OR10V1: variants seen among roughly 807,000 people sequenced by gnomAD.
OR10V1 encodes the protein olfactory receptor 10V1.
For missense variants in OR10V1, 391 were observed against 378.8 expected (o/e 1.03, Z -0.27); for synonymous variants, 139 against 148.2 (o/e 0.94, Z 0.45).
In OR10V1 at chr11:59,713,753, G is replaced by A; in HGVS notation, c.93C>T (p.Phe31=). The A allele has an allele frequency of 1.9e-6, 3 of 1,614,106 alleles. No individual in the cohort carries two copies. Among genetic ancestry groups the A allele is most frequent in the Non-Finnish European group, 2.5e-6 (3 of 1,179,998 alleles). Residue 31 remains phenylalanine (F), a synonymous_variant, in exon 1 of 1, where the codon TTC becomes TTT. Transcript: ENST00000307552. ...CGAGGCTGGTCAGATACATCATCAG[G>A]AAGACCACAAAAATCAGCATCTGGA... is the stretch of plus-strand genomic sequence containing the variant. ...PEVQMLIFVV[F]LMMYLTSLGG...
rs1013446187 is a variant in OR10V1 at position 59,713,675 on chromosome 11, G to T, written c.171C>A (p.Thr57=). The part of the protein sequence containing the change: ...VIVQINHSLH[T]PMYFFLANLA... ...GATTAGCCAGGAAAAAGTACATGGG[G>T]GTGTGGAGGGAATGATTGATCTGAA... is the stretch of plus-strand genomic sequence containing the variant. Residue 57 remains threonine, a synonymous_variant, in exon 1 of 1, where the codon ACC becomes ACA. Coordinates refer to ENST00000307552, the MANE Select transcript of OR10V1 (RefSeq NM_001005324.1). 3.1e-6 allele frequency: 5 copies of T among 1,614,088 alleles called. No individual in the cohort carries two copies. Among genetic ancestry groups the T allele is most frequent in the South Asian group, 1.1e-5 (1 of 91,076 alleles).
chr11:59,713,382 A>C lies in OR10V1; in HGVS notation c.464T>G (p.Leu155Arg). 1.2e-6 allele frequency: 2 copies of C among 1,613,916 alleles called. No homozygotes were observed. Among genetic ancestry groups the C allele is most frequent in the African/African-American group, 2.7e-5 (2 of 75,048 alleles). The change falls in exon 1 of 1, where the codon CTG (leucine) becomes CGG (arginine). Residue 155 changes from leucine to arginine, a missense_variant. Coordinates refer to ENST00000307552, the MANE Select transcript of OR10V1 (RefSeq NM_001005324.1). The stretch of plus-strand genomic sequence containing the variant: ...TAAAATGGTGAGTGGCAGTGACAAC[A>C]GGAACCCCAGCACCAAGGAGCCTAC... The part of the protein sequence containing the change: ...LLVGSLVLGF[L>R]LSLPLTILIF...
At position 59,713,089 on chromosome 11, in the gene OR10V1, A is replaced by G. The variant is rs1862193833; in HGVS notation, c.757T>C (p.Tyr253His). 6.2e-7 allele frequency: 1 copy of G among 1,614,156 alleles called. No individual in the cohort carries two copies. The highest frequency in any genetic ancestry group is 8.5e-7 in the Non-Finnish European group (1 of 1,180,016). ...SSHILVVLLQ[Y>H]GCTSFIYLSP... ...AAGTATATAAAGCTGGTGCAGCCAT[A>G]CTGCAGGAGGACCACTAAGATGTGA... The change falls in exon 1 of 1, where the codon TAT (tyrosine) becomes CAT (histidine). Residue 253 changes from tyrosine (Y) to histidine (H), a missense_variant. Transcript: ENST00000307552.
chr11:59,713,710 C>A lies in OR10V1; in HGVS notation c.136G>T (p.Ala46Ser). 6.2e-7 allele frequency: 1 copy of A among 1,614,026 alleles called. No individual in the cohort carries two copies. ...LTSLGGNATI[A>S]VIVQINHSLH... ...GAATGATTGATCTGAACAATGACTG[C>A]AATTGTAGCATTTCCACCGAGGCTG... Residue 46 changes from alanine (A) to serine (S), a missense_variant, in exon 1 of 1, where the codon GCA (alanine) becomes TCA (serine). Transcript: ENST00000307552.
rs1862208810 is a variant in OR10V1, at chr11:59,713,808, A to T, written c.38T>A (p.Phe13Tyr). 1.2e-6 allele frequency: 2 copies of T among 1,613,372 alleles called. No individual in the cohort carries two copies. The highest frequency in any genetic ancestry group is 1.7e-6 in the Non-Finnish European group (2 of 1,179,778). The change falls in exon 1 of 1, where the codon TTC (phenylalanine) becomes TAC (tyrosine). Residue 13 changes from phenylalanine (F) to tyrosine (Y), a missense_variant. Phe to Tyr is a conservative substitution (Grantham distance 22). Transcript: ENST00000307552. ...GINKTAKMQF[F>Y]FRPFSPDPEV... is the part of the protein sequence containing the mutation. ...AGGGTCAGGTGAGAATGGACGAAAG[A>T]AAAACTGCATCTTTGCAGTTTTATT...
Position 59,713,512 on chromosome 11 carries a change from C to T in OR10V1, c.334G>A (p.Asp112Asn). The T allele has an allele frequency of 6.2e-7, 1 of 1,614,058 alleles. No homozygotes were observed. Among genetic ancestry groups the T allele is most frequent in the Non-Finnish European group, 8.5e-7 (1 of 1,179,972 alleles). ...GCCATGACTACCAGCAGGACACAAT[C>T]AGCCCCACCCAAGAAGACAAAGAAA... ...MFFFVFLGGA[D>N]CVLLVVMAYD... Residue 112 changes from aspartate to asparagine, a missense_variant, in exon 1 of 1, where the codon GAT (aspartate) becomes AAT (asparagine). Coordinates refer to ENST00000307552, the MANE Select transcript of OR10V1 (RefSeq NM_001005324.1).
Position 59,713,579 on chromosome 11 carries a change from G to T in OR10V1, c.267C>A (p.Gly89=). ...ATCCCGTGATGGAAACAGGAGTTTT[G>T]CCCATTGAAAGGAGGTTTGCCAAGG... The part of the protein sequence containing the change: ...PLALANLLSM[G]KTPVSITGCG... The change falls in exon 1 of 1, where the codon GGC becomes GGA. Residue 89 remains glycine, a synonymous_variant. Coordinates refer to ENST00000307552, the MANE Select transcript of OR10V1 (RefSeq NM_001005324.1). 6.2e-7 allele frequency: 1 copy of T among 1,614,170 alleles called. No individual in the cohort carries two copies. Among genetic ancestry groups the T allele is most frequent in the Non-Finnish European group, 8.5e-7 (1 of 1,180,038 alleles).
In OR10V1 at chr11:59,713,228, G is replaced by T. The variant is rs193071124; in HGVS notation, c.618C>A (p.Ile206=). 6.2e-7 allele frequency: 1 copy of T among 1,614,040 alleles called. No individual in the cohort carries two copies. The highest frequency in any genetic ancestry group is 8.5e-7 in the Non-Finnish European group (1 of 1,180,034). ...HKTALYIISF[I]VLSIPLSLIS... is the part of the protein sequence containing the mutation. The stretch of plus-strand genomic sequence containing the variant: ...TCAATGAGAGGGGGATGCTAAGGAC[G>T]ATGAAGCTGATGATATACAGAGCAG... The change falls in exon 1 of 1, where the codon ATC becomes ATA. Residue 206 remains isoleucine (I), a synonymous_variant. Transcript: ENST00000307552.
At position 59,712,974 on chromosome 11, in the gene OR10V1, T is replaced by C. The variant is rs144351656; in HGVS notation, c.872A>G (p.Tyr291Cys). ...TTTCAGTTCCTTGTTCCTCAAACTA[T>C]AGATCAAGGGGTTTAAAATGGGAGT... ...FITPILNPLI[Y>C]SLRNKELKDA... The change falls in exon 1 of 1, where the codon TAT becomes TGT. Residue 291 changes from tyrosine (Y) to cysteine (C), a missense_variant. Transcript: ENST00000307552. 3 of 1,614,046 alleles carry C rather than the reference T, an allele frequency of 1.9e-6. No homozygotes were observed. Among genetic ancestry groups the C allele is most frequent in the Non-Finnish European group, 2.5e-6 (3 of 1,179,922 alleles).
rs753038529 is a variant in OR10V1 at position 59,713,812 on chromosome 11, A to C, written c.34T>G (p.Phe12Val). The change falls in exon 1 of 1, where the codon TTT becomes GTT. Residue 12 changes from phenylalanine to valine, a missense_variant. Transcript: ENST00000307552. ...EGINKTAKMQ[F>V]FFRPFSPDPE... The stretch of plus-strand genomic sequence containing the variant: ...TCAGGTGAGAATGGACGAAAGAAAA[A>C]CTGCATCTTTGCAGTTTTATTTATT... 10 of 1,612,984 alleles carry C rather than the reference A, an allele frequency of 6.2e-6. No individual in the cohort carries two copies. Among genetic ancestry groups the C allele is most frequent in the Admixed American group, 1.7e-5 (1 of 59,816 alleles).
Position 59,713,475 on chromosome 11 carries a change from A to T in OR10V1, c.371T>A (p.Phe124Tyr), listed in dbSNP as rs150161327. 8.3e-3 allele frequency: 13,425 copies of T among 1,613,678 alleles called. 83 individuals are homozygous for T. The highest frequency in any genetic ancestry group is 0.02 in the Middle Eastern group (122 of 6,058). ...TCGCAGAGGGTGACAGATCGCTATA[A>T]ACTGGTCATAAGCCATGACTACCAG... ...VLLVVMAYDQ[F>Y]IAICHPLRYR... The change falls in exon 1 of 1, where the codon TTT (phenylalanine) becomes TAT (tyrosine). Residue 124 changes from phenylalanine (F) to tyrosine (Y), a missense_variant. Phe to Tyr is a conservative substitution (Grantham distance 22). Coordinates refer to ENST00000307552, the MANE Select transcript of OR10V1 (RefSeq NM_001005324.1).
In OR10V1 at chr11:59,713,010, T is replaced by G. The variant is rs767933251; in HGVS notation, c.836A>C (p.Tyr279Ser). 8.7e-6 allele frequency: 14 copies of G among 1,614,048 alleles called. No individual in the cohort carries two copies. The highest frequency in any genetic ancestry group is 1.2e-5 in the Non-Finnish European group (14 of 1,179,918). The change falls in exon 1 of 1, where the codon TAC becomes TCC. Residue 279 changes from tyrosine (Y) to serine (S), a missense_variant. By Grantham distance (144) the Tyr-to-Ser change is moderately radical. Transcript: ENST00000307552. ...GTTTAAAATGGGAGTGATAAATGTG[T>G]AGGCCACAGATACCACCCGGCCCAT... ...PEMGRVVSVAYTFITPILNPL... is the reference protein window; with the variant it reads ...PEMGRVVSVASTFITPILNPL...
chr11:59,713,078 G>A lies in OR10V1; in HGVS notation c.768C>T (p.Thr256=), dbSNP rs764589346. ...ILVVLLQYGC[T]SFIYLSPSSS... ...AACTGGGGGACAAGTATATAAAGCT[G>A]GTGCAGCCATACTGCAGGAGGACCA... The change falls in exon 1 of 1, where the codon ACC becomes ACT. Residue 256 remains threonine, a synonymous_variant. Transcript: ENST00000307552. 1 of 1,614,108 alleles carries A rather than the reference G, an allele frequency of 6.2e-7. No homozygotes were observed. The highest frequency in any genetic ancestry group is 8.5e-7 in the Non-Finnish European group (1 of 1,180,014).
In OR10V1 at chr11:59,713,626, T is replaced by A; in HGVS notation, c.220A>T (p.Thr74Ser). Residue 74 changes from threonine (T) to serine (S), a missense_variant, in exon 1 of 1, where the codon ACA becomes TCA. By Grantham distance (58) the Thr-to-Ser change is moderately conservative (BLOSUM62 1). Transcript: ENST00000307552. ...AAGGCCAATGGGGTGATGGAAGATG[T>A]ATAGAAGATTTCTAGAACTGCCAGA... The part of the protein sequence containing the change: ...ANLAVLEIFY[T>S]SSITPLALAN... 6.2e-7 allele frequency: 1 copy of A among 1,614,060 alleles called. No homozygotes were observed. The highest frequency in any genetic ancestry group is 8.5e-7 in the Non-Finnish European group (1 of 1,180,000).
Position 59,713,208 on chromosome 11 carries a change from G to C in OR10V1, c.638C>G (p.Ser213Ter). The change falls in exon 1 of 1, where the codon TCA becomes TGA. Residue 213 changes from serine (S) to a stop codon, truncating the protein, a stop_gained. Coordinates refer to ENST00000307552, the MANE Select transcript of OR10V1 (RefSeq NM_001005324.1). LOFTEE classifies it low-confidence loss of function (END_TRUNC). The part of the protein sequence containing the change: ...ISFIVLSIPL[S>*]LISISYVFIV... ...GAAGACATAGGAGATGGAGATCAATGAGAGGGGGATGCTAAGGACGATGAA... is the reference window on the plus strand; with the variant it reads ...GAAGACATAGGAGATGGAGATCAATCAGAGGGGGATGCTAAGGACGATGAA... 1 of 1,614,174 alleles carries C rather than the reference G, an allele frequency of 6.2e-7. No homozygotes were observed. Among genetic ancestry groups the C allele is most frequent in the South Asian group, 1.1e-5 (1 of 91,082 alleles).
rs767843015 is a variant in OR10V1, at chr11:59,713,803, G to A, written c.43C>T (p.Arg15Cys). Residue 15 changes from arginine to cysteine, a missense_variant, in exon 1 of 1, where the codon CGT (arginine) becomes TGT (cysteine). Physicochemically the swap from Arg to Cys is radical, Grantham distance 180 (BLOSUM62 -3). Coordinates refer to ENST00000307552, the MANE Select transcript of OR10V1 (RefSeq NM_001005324.1). ...NKTAKMQFFF[R>C]PFSPDPEVQM... is the part of the protein sequence containing the mutation. ...ACCTCAGGGTCAGGTGAGAATGGAC[G>A]AAAGAAAAACTGCATCTTTGCAGTT... is the stretch of plus-strand genomic sequence containing the variant. The A allele has an allele frequency of 8.7e-6, 14 of 1,613,078 alleles. No homozygotes were observed. The highest frequency in any genetic ancestry group is 5.0e-5 in the Admixed American group (3 of 59,770).
rs141649641 is a variant in OR10V1, at chr11:59,713,286, C to A, written c.560G>T (p.Arg187Leu). 6.2e-7 allele frequency: 1 copy of A among 1,613,964 alleles called. No individual in the cohort carries two copies. ...AACGCGTGTGTCTGCACAAGCCAGG[C>A]GCATGACTGCAGGCATGTCACAGTA... is the stretch of plus-strand genomic sequence containing the variant. ...HFYCDMPAVM[R>L]LACADTRVHK... The change falls in exon 1 of 1, where the codon CGC (arginine) becomes CTC (leucine). Residue 187 changes from arginine to leucine, a missense_variant. By Grantham distance (102) the Arg-to-Leu change is moderately radical. Transcript: ENST00000307552.
rs758746066 is a variant in OR10V1, at chr11:59,713,591, G to A, written c.255C>T (p.Leu85=). 5.2e-5 allele frequency: 84 copies of A among 1,614,060 alleles called. 1 individual carries two copies. The highest frequency in any genetic ancestry group is 9.3e-6 in the Non-Finnish European group (11 of 1,180,048). ...AAACAGGAGTTTTGCCCATTGAAAG[G>A]AGGTTTGCCAAGGCCAATGGGGTGA... The part of the protein sequence containing the change: ...SSITPLALAN[L]LSMGKTPVSI... The change falls in exon 1 of 1, where the codon CTC becomes CTT. Residue 85 remains leucine (L), a synonymous_variant. Coordinates refer to ENST00000307552, the MANE Select transcript of OR10V1 (RefSeq NM_001005324.1).
At position 59,713,327 on chromosome 11, in the gene OR10V1, AT is replaced by A; in HGVS notation, c.518del (p.Asp173ValfsTer42). 1.2e-6 allele frequency: 2 copies of A among 1,611,976 alleles called. No individual in the cohort carries two copies. Among genetic ancestry groups the A allele is most frequent in the Non-Finnish European group, 1.7e-6 (2 of 1,178,306 alleles). ...TGTCACAGTAGAAGTGGTAGATCTC[AT>A]CATTGTGGCAGAATGGGAGATGGAA... ...LIFHLPFCHN[D>X]EIYHFYCDMP... On this transcript the variant is annotated frameshift_variant, in exon 1 of 1. Transcript: ENST00000307552. LOFTEE classifies it low-confidence loss of function (END_TRUNC).
Sources: gnomAD v4.1 joint callset for allele counts on GRCh38, gnomAD v4.1.1 for gene constraint, MANE v1.5 for transcripts, NCBI Gene and HGNC (gene_info 2026-07-23, HGNC 2026-07-21) for gene names.